TMEM132E: variants seen among roughly 807,000 people sequenced by gnomAD.
TMEM132E encodes the protein transmembrane protein 132E.
Under a neutral mutation model 78.5 loss-of-function variants are expected in TMEM132E, and 49 were observed. The observed-to-expected ratio is 0.62, with a 90% CI of 0.50 to 0.79. TMEM132E has a LOEUF of 0.79. Ranked by LOEUF, TMEM132E falls within the 30% of genes least tolerant of loss-of-function variation. TMEM132E has a pLI of 0.00. For missense variants in TMEM132E, 1,403 were observed against 1,470.9 expected (o/e 0.95, Z 0.75); for synonymous variants, 715 against 670.6 (o/e 1.07, Z -1.02).
intron 1 of TMEM132E, among the ~76,000 whole-genome samples, chr17:34,613,195 A>ACACC (rs1555563328): frequency 1.4e-4 from 16 of 115,162 alleles, no homozygotes; most frequent in African/African-American, 4.4e-4. Context: ...ACACACACAC[A>ACACC]CCCACACACA....
At chr17:34,628,835 T>C (rs1329957883) in intron 3 of TMEM132E, 126 bp downstream of exon 3, 1 of 1,378,266 alleles carries the variant, frequency 7.3e-7, no homozygotes, top group Non-Finnish European at 9.6e-7. Flanking sequence ...GTCTCTGAGG[T>C]CCAGGCCCCT....
intron 5 of TMEM132E, among the ~76,000 whole-genome samples, chr17:34,631,215 G>T (rs1321011250): frequency 6.6e-6 from 1 of 152,080 alleles, no homozygotes; most frequent in African/African-American, 2.4e-5. Flanking sequence ...TCCAAGTCTG[G>T]GAAGCATGGG....
intron 1 of TMEM132E, among the ~76,000 whole-genome samples, chr17:34,605,864 G>A (rs935176896): frequency 7.2e-5 from 11 of 152,100 alleles, no homozygotes; most frequent in African/African-American, 1.2e-4. Flanking sequence ...TATTCTTCTC[G>A]TGGCGAAAAG....
Position 34,605,887 on chromosome 17 carries a change from G to A in TMEM132E, c.68-20240G>A, listed in dbSNP as rs906537887. Among the ~76,000 whole-genome samples, 8 of 152,100 alleles carry A rather than the reference G, an allele frequency of 5.3e-5. No homozygotes were observed. The East Asian group carries it at 7.7e-4, about 15-fold the overall frequency. ...TCGTGGCGAAAAGGCCCAATTGTGCGAGCATGTTTCCAACCTCTACATGCG... is the reference window on the plus strand; with the variant it reads ...TCGTGGCGAAAAGGCCCAATTGTGCAAGCATGTTTCCAACCTCTACATGCG... On this transcript the variant is annotated intron_variant, in intron 1 of 8. Transcript: ENST00000631683.
At chr17:34,606,570 G>T (rs935202156) in intron 1 of TMEM132E, among the ~76,000 whole-genome samples, 2 of 152,132 alleles carry the variant, frequency 1.3e-5, no homozygotes, top group African/African-American at 4.8e-5. Context: ...CTGCCCCACA[G>T]CTCTACCTCC....
rs867759275 is a variant in TMEM132E, at chr17:34,626,145, C to A, written c.86C>A (p.Pro29Gln). 3 of 1,530,888 alleles carry A rather than the reference C, an allele frequency of 2.0e-6. No homozygotes were observed. Among genetic ancestry groups the A allele is most frequent in the South Asian group, 2.6e-5 (2 of 77,828 alleles). 94.8% of individuals were successfully genotyped at this position (1,530,888 alleles called of 1,614,324 possible). A position where few individuals can be genotyped will look rare whatever the true frequency, so the allele number is the denominator to read the frequency against. ...LLAHASGRSH[P>Q]ASPSPPGPQA... ...TCCCCAGCCTCTGGCCGCTCCCACCCGGCCAGCCCCAGCCCGCCGGGGCCG... is the reference window on the plus strand; with the variant it reads ...TCCCCAGCCTCTGGCCGCTCCCACCAGGCCAGCCCCAGCCCGCCGGGGCCG... The change falls in exon 2 of 9, where the codon CCG (proline) becomes CAG (glutamine). Residue 29 changes from proline to glutamine, a missense_variant. By Grantham distance (76) the Pro-to-Gln change is moderately conservative. Coordinates refer to ENST00000631683, the MANE Select transcript of TMEM132E (RefSeq NM_001304438.2).
intron 7 of TMEM132E, 101 bp downstream of exon 7, chr17:34,635,188 AAC>A: frequency 7.5e-7 from 1 of 1,331,408 alleles, no homozygotes; most frequent in Non-Finnish European, 1.0e-6. Flanking sequence ...TGGCCCCCAG[AAC>A]ACTCTTCCCT....
chr17:34,637,149 C>T, intron 8 of TMEM132E, 28 bp from the exon 9 acceptor site: 1 of 1,569,734 alleles, frequency 6.4e-7, no homozygotes, highest in Non-Finnish European at 8.7e-7. Context: ...TCTTTGACTC[C>T]TATCCCCTCC....
In TMEM132E at chr17:34,613,191, ACACACC is replaced by A. The variant is rs1328701682; in HGVS notation, c.68-12930_68-12925del. On this transcript the variant is annotated intron_variant, in intron 1 of 8. Coordinates refer to ENST00000631683, the MANE Select transcript of TMEM132E (RefSeq NM_001304438.2). ...TCTCTCTCTACACACACACACACAC[ACACACC>A]CACACACACACACACGCGCGCGCGC... Among the ~76,000 whole-genome samples, 157 of 113,436 alleles carry A rather than the reference ACACACC, an allele frequency of 1.4e-3. 1 individual carries two copies. Among genetic ancestry groups the A allele is most frequent in the African/African-American group, 3.9e-3 (137 of 35,072 alleles). The allele number at this position is 113,436 out of a possible 152,430, so 74.4% of individuals were successfully genotyped here.
At position 34,638,634 on chromosome 17, in the gene TMEM132E, G is replaced by A. The variant is rs1170097812; in HGVS notation, c.*402G>A. On this transcript the variant is annotated 3_prime_UTR_variant, in exon 9 of 9. Coordinates refer to ENST00000631683, the MANE Select transcript of TMEM132E (RefSeq NM_001304438.2). ...GTCCCCCGTGTCGTCCCCCTGTGCA[G>A]GGGGTTCTGTGGGGGTCTTGTGTCA... 1.1e-5 allele frequency: 2 copies of A among 188,580 alleles called. No individual in the cohort carries two copies. The highest frequency in any genetic ancestry group is 2.3e-5 in the African/African-American group (1 of 42,754). 11.7% of individuals were successfully genotyped at this position (188,580 alleles called of 1,614,324 possible).
At chr17:34,618,405 T>C (rs1906851023) in intron 1 of TMEM132E, among the ~76,000 whole-genome samples, 1 of 151,658 alleles carries the variant, frequency 6.6e-6, no homozygotes, top group Admixed American at 6.6e-5. Flanking sequence ...ATTTTTTTTT[T>C]TTTTTTTTGA....
intron 1 of TMEM132E, among the ~76,000 whole-genome samples, chr17:34,621,802 G>A (rs371239413): frequency 1.6e-4 from 24 of 151,482 alleles, no homozygotes; most frequent in African/African-American, 4.2e-4. Flanking sequence ...AGTGGGGGGC[G>A]GGCAGGTGCC....
chr17:34,607,730 T>C (rs1367535139), intron 1 of TMEM132E, among the ~76,000 whole-genome samples: 1 of 152,048 alleles, frequency 6.6e-6, no homozygotes, highest in African/African-American at 2.4e-5. Flanking sequence ...TTTACTGCTA[T>C]GGCTCAAAGA....
At chr17:34,625,660 C>T (rs1281702319) in intron 1 of TMEM132E, among the ~76,000 whole-genome samples, 1 of 151,936 alleles carries the variant, frequency 6.6e-6, no homozygotes, top group Non-Finnish European at 1.5e-5. Flanking sequence ...CTGTCCCACA[C>T]GGAGCGCAGT....
intron 1 of TMEM132E, among the ~76,000 whole-genome samples, chr17:34,591,160 A>G (rs1905854843): frequency 6.6e-6 from 1 of 151,992 alleles, no homozygotes; most frequent in Admixed American, 6.5e-5. Flanking sequence ...TTAGCAGCCA[A>G]CTCCTGGAGA....
intron 1 of TMEM132E, among the ~76,000 whole-genome samples, chr17:34,591,898 T>C (rs1429212383): frequency 3.3e-5 from 5 of 152,200 alleles, no homozygotes; most frequent in Admixed American, 6.5e-5. Flanking sequence ...GGGAGTAATA[T>C]CCTCTCTCAG....
At chr17:34,613,581 C>T (rs1906684862) in intron 1 of TMEM132E, among the ~76,000 whole-genome samples, 1 of 152,026 alleles carries the variant, frequency 6.6e-6, no homozygotes, top group Admixed American at 6.5e-5. Flanking sequence ...AGGCTTATCT[C>T]CTATTTCCTT....
intron 2 of TMEM132E, among the ~76,000 whole-genome samples, chr17:34,627,726 C>G (rs1453750216): frequency 6.6e-6 from 1 of 152,144 alleles, no homozygotes; most frequent in Non-Finnish European, 1.5e-5. Context: ...CTTCCTCAGC[C>G]CCAGGCACTA....
In TMEM132E at chr17:34,590,197, G is replaced by T. The variant is rs73284008; in HGVS notation, c.67+9054G>T. 7.2e-3 allele frequency among the ~76,000 whole-genome samples: 1,094 copies of T among 152,318 alleles called. 16 individuals carry two copies. The highest frequency in any genetic ancestry group is 0.025 in the African/African-American group (1,031 of 41,570). On this transcript the variant is annotated intron_variant, in intron 1 of 8. Transcript: ENST00000631683. Reference sequence around the variant, plus strand: ...ATTGAACTAGCTAGTTATTTCAATGGTCACTTATGAAATGAGCACCTGCTA... The same window carrying T: ...ATTGAACTAGCTAGTTATTTCAATGTTCACTTATGAAATGAGCACCTGCTA...
Sources: gnomAD v4.1 joint callset for allele counts (sites outside exome capture counted in the v4.1 genomes callset) on GRCh38, gnomAD v4.1.1 for gene constraint, MANE v1.5 for transcripts, NCBI Gene and HGNC (gene_info 2026-07-23, HGNC 2026-07-21) for gene names.